EYS: variants seen among roughly 807,000 people sequenced by gnomAD.
The protein encoded by EYS is protein eyes shut homolog.
Under a neutral mutation model 282.1 loss-of-function variants are expected in EYS, and 250 were observed. The ratio of observed to expected loss-of-function variants is 0.89; its 90% CI spans 0.80 to 0.98. The LOEUF (loss-of-function observed/expected upper bound fraction) is 0.98. Ranked by LOEUF, EYS falls within the 50% of genes least tolerant of loss-of-function variation. The probability of loss-of-function intolerance (pLI) is 0.00; values close to 1 mark genes in which losing one functional copy is unlikely to be tolerated. For missense variants in EYS, 4,016 were observed against 3,709.0 expected (o/e 1.08, Z -2.15); for synonymous variants, 1,355 against 1,282.9 (o/e 1.06, Z -1.20).
chr6:64,047,632 G>C (rs1419258633), intron 33 of EYS, among the ~76,000 whole-genome samples: 4 of 152,178 alleles, frequency 2.6e-5, no homozygotes, highest in Non-Finnish European at 5.9e-5. Context: ...ATTCAGAAGA[G>C]TGTTTGTCAC....
At chr6:64,665,251 C>A (rs9360020) in intron 22 of EYS, among the ~76,000 whole-genome samples, 89,989 of 152,048 alleles carry the variant, frequency 0.59, 26,846 homozygotes, top group South Asian at 0.68. Context: ...GTAAAATAAT[C>A]TTTTTAGGTA....
In EYS at chr6:64,116,181, T is replaced by A. The variant is rs1200857489; in HGVS notation, c.6425-34179A>T. Among the ~76,000 whole-genome samples the A allele has an allele frequency of 2.0e-5, 3 of 152,030 alleles. No individual in the cohort carries two copies. In the South Asian group the frequency reaches 6.2e-4, roughly 32 times the overall value. On this transcript the variant is annotated intron_variant, in intron 31 of 42. Coordinates refer to ENST00000503581, the MANE Select transcript of EYS (RefSeq NM_001142800.2). ...AAGCAGAAGAAAGACTTGACTTCTG[T>A]GGACCTGAAGACAGGTCATTTGAAG...
At chr6:64,147,889 T>C (rs1385877508) in intron 31 of EYS, among the ~76,000 whole-genome samples, 1 of 152,170 alleles carries the variant, frequency 6.6e-6, no homozygotes, top group East Asian at 1.9e-4. Context: ...CGGTGGACTT[T>C]GCATGTATGA....
intron 35 of EYS, among the ~76,000 whole-genome samples, chr6:63,893,151 T>C (rs866159125): frequency 2.0e-5 from 3 of 152,164 alleles, no homozygotes; most frequent in Non-Finnish European, 4.4e-5. Context: ...AGTTTAGCCT[T>C]GTGGAAGACA....
At chr6:65,271,485 C>G in intron 12 of EYS, among the ~76,000 whole-genome samples, 1 of 152,030 alleles carries the variant, frequency 6.6e-6, no homozygotes, top group East Asian at 1.9e-4. Flanking sequence ...AATTCAAATG[C>G]TAATCTCTTC....
chr6:64,785,283 C>A (rs554533002), intron 22 of EYS, among the ~76,000 whole-genome samples: 1 of 152,228 alleles, frequency 6.6e-6, no homozygotes, highest in Admixed American at 6.5e-5. Context: ...ATTTTCCTTA[C>A]ATGTTTTATC....
intron 29 of EYS, among the ~76,000 whole-genome samples, chr6:64,381,527 T>G (rs1772748458): frequency 6.6e-6 from 1 of 152,196 alleles, no homozygotes; most frequent in African/African-American, 2.4e-5. Context: ...TGTGTACAGG[T>G]GAGAATCACT....
chr6:64,198,164 ATT>A (rs35484359), intron 31 of EYS, among the ~76,000 whole-genome samples: 69 of 138,668 alleles, frequency 5.0e-4, no homozygotes, highest in East Asian at 8.4e-4. Flanking sequence ...GGCCCGGCTA[ATT>A]TTTTTTTTTT....
At chr6:65,631,939 T>G (rs1229491237) in intron 2 of EYS, among the ~76,000 whole-genome samples, 2 of 152,172 alleles carry the variant, frequency 1.3e-5, no homozygotes, top group Admixed American at 1.3e-4. Flanking sequence ...GCAGACACTC[T>G]TTAGTTCTCA....
At chr6:64,277,155 C>T (rs1768143339) in intron 30 of EYS, among the ~76,000 whole-genome samples, 1 of 152,066 alleles carries the variant, frequency 6.6e-6, no homozygotes, top group East Asian at 1.9e-4. Flanking sequence ...AAATCATTCA[C>T]GTATTGAACA....
At chr6:64,499,731 C>T (rs537847890) in intron 26 of EYS, among the ~76,000 whole-genome samples, 1 of 152,088 alleles carries the variant, frequency 6.6e-6, no homozygotes, top group South Asian at 2.1e-4. Flanking sequence ...AGTTGCTTCC[C>T]CTTATCAAAA....
chr6:65,524,624 T>C (rs1767489832), intron 2 of EYS, among the ~76,000 whole-genome samples: 1 of 152,168 alleles, frequency 6.6e-6, no homozygotes, highest in East Asian at 1.9e-4. Flanking sequence ...TGGGAAGACA[T>C]GGAAACACTG....
chr6:64,239,786 T>C (rs952542784), intron 30 of EYS, among the ~76,000 whole-genome samples: 3 of 152,196 alleles, frequency 2.0e-5, no homozygotes, highest in African/African-American at 4.8e-5. Context: ...ATTTTAGCTT[T>C]TGTTGCTGTT....
chr6:63,833,451 C>T (rs1582257094), intron 36 of EYS, among the ~76,000 whole-genome samples: 1 of 152,226 alleles, frequency 6.6e-6, no homozygotes, highest in Non-Finnish European at 1.5e-5. Flanking sequence ...AGTGAACTCC[C>T]ATTCACAATT....
chr6:65,054,164 G>C (rs1773350286), intron 13 of EYS, among the ~76,000 whole-genome samples: 1 of 151,972 alleles, frequency 6.6e-6, no homozygotes, highest in African/African-American at 2.4e-5. Context: ...TTTCCTATTA[G>C]CATTCAAAGG....
At chr6:65,003,362 T>C (rs1255746098) in intron 13 of EYS, among the ~76,000 whole-genome samples, 1 of 147,038 alleles carries the variant, frequency 6.8e-6, no homozygotes, top group African/African-American at 2.4e-5. Context: ...GCCTAATAAA[T>C]TTTGGTCAGA....
intron 9 of EYS, among the ~76,000 whole-genome samples, chr6:65,348,509 G>T (rs1173464268): frequency 6.6e-6 from 1 of 151,566 alleles, no homozygotes; most frequent in Non-Finnish European, 1.5e-5. Flanking sequence ...TTTGCTATTT[G>T]CATATCTTCT....
chr6:63,850,154 C>T (rs1772208348), intron 36 of EYS, among the ~76,000 whole-genome samples: 1 of 151,996 alleles, frequency 6.6e-6, no homozygotes, highest in Admixed American at 6.6e-5. Context: ...ACAAACAGAG[C>T]CTCCAAGAAA....
intron 13 of EYS, among the ~76,000 whole-genome samples, chr6:65,027,122 C>A (rs541834528): frequency 6.6e-5 from 10 of 151,844 alleles, no homozygotes; most frequent in Non-Finnish European, 1.5e-4. Context: ...CAGAGTTGTG[C>A]ATCTATACCT....
Sources: allele counts gnomAD v4.1 joint callset (sites outside exome capture counted in the v4.1 genomes callset), GRCh38; gene constraint gnomAD v4.1.1; transcripts MANE v1.5; gene names NCBI Gene and HGNC (gene_info 2026-07-23, HGNC 2026-07-21).